Variants in BOP1 observed in about 807,000 individuals in gnomAD.
BOP1 encodes ribosome biogenesis protein BOP1.
A neutral mutation model predicts 82.9 loss-of-function variants in BOP1; 54 were observed. The ratio of observed to expected loss-of-function variants is 0.65; its 90% CI spans 0.52 to 0.82. The LOEUF is 0.82. BOP1 is among the 40% of genes least tolerant of loss of function. The pLI is 0.00. For synonymous variants in BOP1, 566 were observed against 451.1 expected (o/e 1.25, Z -3.23); for missense variants, 1,170 against 1,072.0 (o/e 1.09, Z -1.28).
intron 3 of BOP1, 118 bp downstream of exon 3, chr8:144,276,106 G>T: frequency 8.3e-7 from 1 of 1,208,414 alleles, no homozygotes; most frequent in Non-Finnish European, 1.2e-6. Context: ...CAACAGTGCG[G>T]CCCACCTGCG....
intron 3 of BOP1, among the ~76,000 whole-genome samples, chr8:144,270,478 G>A (rs919420838): frequency 3.9e-5 from 6 of 152,138 alleles, no homozygotes; most frequent in Admixed American, 2.0e-4. Context: ...GCCTGACTCC[G>A]ACCGCGGCTG....
At chr8:144,267,203 C>A in intron 3 of BOP1, 1 of 1,494,868 alleles carries the variant, frequency 6.7e-7, no homozygotes, top group Admixed American at 2.4e-5. Context: ...CGTGGGGCGC[C>A]GAGGGGGGCC....
At chr8:144,283,186 A>G (rs1457173374) in intron 2 of BOP1, among the ~76,000 whole-genome samples, 4 of 138,354 alleles carry the variant, frequency 2.9e-5, no homozygotes, top group African/African-American at 1.1e-4. Flanking sequence ...CGATAAGAGC[A>G]AAAAAACTCC....
rs1314430583 is a variant in BOP1 at position 144,263,885 on chromosome 8, G to A, written c.1167C>T (p.Ile389=). The A allele has an allele frequency of 2.4e-5, 38 of 1,611,738 alleles. No homozygotes were observed. The East Asian group carries it at 7.8e-4, about 33-fold the overall frequency. The change falls in exon 9 of 16, where the codon ATC becomes ATT. Residue 389 remains isoleucine (I), a synonymous_variant. Transcript: ENST00000569669. ...MRVNVDPEDL[I]PKLPRPRDLQ... ...GGTCCCTCGGCCGAGGCAGCTTGGG[G>A]ATGAGGTCCTCAGGGTCTACATTCA...
chr8:144,284,433 T>C (rs1045606204), intron 2 of BOP1, among the ~76,000 whole-genome samples: 2 of 152,198 alleles, frequency 1.3e-5, no homozygotes, highest in Admixed American at 1.3e-4. Context: ...GCCCACCCAC[T>C]GGAGCTGTTG....
rs1027519016 is a variant in BOP1 at position 144,264,431 on chromosome 8, G to A, written c.772C>T (p.Arg258Cys). The A allele has an allele frequency of 5.8e-5, 93 of 1,603,588 alleles. No individual in the cohort carries two copies. In the South Asian group the frequency reaches 6.2e-4, roughly 11 times the overall value. The change falls in exon 7 of 16, where the codon CGC becomes TGC. Residue 258 changes from arginine (R) to cysteine (C), a missense_variant. Coordinates refer to ENST00000569669, the MANE Select transcript of BOP1 (RefSeq NM_015201.5). ...PSLVEKEKVS[R>C]MVHAIKMGWI... ...CCCATCTTGATGGCGTGCACCATGCGAGAGACCTGCATAGACAGCCGGGTC... is the reference window on the plus strand; with the variant it reads ...CCCATCTTGATGGCGTGCACCATGCAAGAGACCTGCATAGACAGCCGGGTC...
intron 2 of BOP1, among the ~76,000 whole-genome samples, chr8:144,285,631 C>T (rs1431378795): frequency 1.3e-5 from 2 of 152,238 alleles, no homozygotes; most frequent in Non-Finnish European, 2.9e-5. Context: ...GGACACTTAG[C>T]AGCAGGAGAA....
intron 2 of BOP1, among the ~76,000 whole-genome samples, chr8:144,282,442 G>C (rs1845699910): frequency 6.6e-6 from 1 of 152,176 alleles, no homozygotes; most frequent in Non-Finnish European, 1.5e-5. Context: ...GCTGGAGATG[G>C]GGTGGGCCCT....
chr8:144,289,607 G>C (rs147447262), intron 1 of BOP1, among the ~76,000 whole-genome samples: 1 of 152,100 alleles, frequency 6.6e-6, no homozygotes, highest in African/African-American at 2.4e-5. Flanking sequence ...AGCTCTCATC[G>C]CAAAACTAAC....
At chr8:144,267,903 C>T (rs1197597772) in intron 3 of BOP1, among the ~76,000 whole-genome samples, 1 of 152,242 alleles carries the variant, frequency 6.6e-6, no homozygotes. Context: ...GGGGCCTGAA[C>T]ATCTGGGAAA....
rs781817530 is a variant in BOP1 at position 144,291,253 on chromosome 8, C to T, written c.99+19G>A. ...GCCCTCTAGGGACGCGCCCCGCCGCCCCGCATCGCCACAGTCACCTCCGGC... is the reference window on the plus strand; with the variant it reads ...GCCCTCTAGGGACGCGCCCCGCCGCTCCGCATCGCCACAGTCACCTCCGGC... On this transcript the variant is annotated intron_variant, in intron 1 of 15. Transcript: ENST00000569669. The surrounding 1 kb of genome is among the most constrained non-coding windows in gnomAD (Gnocchi z 4.1). 1.4e-4 allele frequency: 196 copies of T among 1,447,912 alleles called. No individual in the cohort carries two copies. Among genetic ancestry groups the T allele is most frequent in the Middle Eastern group, 2.3e-4 (1 of 4,408 alleles). 89.7% of individuals were successfully genotyped at this position (1,447,912 alleles called of 1,614,324 possible). A position where few individuals can be genotyped will look rare whatever the true frequency, so the allele number is the denominator to read the frequency against.
chr8:144,289,717 C>A (rs1182098891), intron 1 of BOP1, among the ~76,000 whole-genome samples: 4 of 152,190 alleles, frequency 2.6e-5, no homozygotes, highest in African/African-American at 9.7e-5. Flanking sequence ...GCCCTCTCCA[C>A]ACCTCACCCT....
At chr8:144,276,804 G>A (rs932910928) in intron 2 of BOP1, among the ~76,000 whole-genome samples, 149 of 152,274 alleles carry the variant, frequency 9.8e-4, no homozygotes, top group African/African-American at 3.5e-3. Flanking sequence ...GCTCTTGAAG[G>A]GGCGGGGGAC....
intron 2 of BOP1, among the ~76,000 whole-genome samples, chr8:144,287,348 T>C (rs1814913802): frequency 6.6e-6 from 1 of 152,198 alleles, no homozygotes; most frequent in Admixed American, 6.5e-5. Flanking sequence ...TGTAAATGTG[T>C]AAATCCTTAA....
intron 3 of BOP1, among the ~76,000 whole-genome samples, chr8:144,275,443 CAG>C (rs1845554488): frequency 4.0e-5 from 2 of 50,266 alleles, no homozygotes; most frequent in East Asian, 6.3e-4. Context: ...CGGCGGAACC[CAG>C]CCCGGTGCCA....
At chr8:144,286,517 A>G (rs1814875580) in intron 2 of BOP1, among the ~76,000 whole-genome samples, 1 of 132,236 alleles carries the variant, frequency 7.6e-6, no homozygotes, top group African/African-American at 2.9e-5. Flanking sequence ...ACACGCGGGC[A>G]GGTGCATGGG....
intron 2 of BOP1, among the ~76,000 whole-genome samples, chr8:144,285,807 T>C (rs1814851220): frequency 6.6e-6 from 1 of 152,210 alleles, no homozygotes. Flanking sequence ...GCAGAGCCCC[T>C]GGTGGCCCGG....
intron 3 of BOP1, chr8:144,265,523 A>AC (rs1230516801): frequency 2.8e-4 from 48 of 171,490 alleles, no homozygotes; most frequent in Admixed American, 2.1e-3. Flanking sequence ...TCTGTGGGGG[A>AC]CCCCCCACCG....
At chr8:144,270,834 T>C (rs1227430020) in intron 3 of BOP1, among the ~76,000 whole-genome samples, 4 of 151,964 alleles carry the variant, frequency 2.6e-5, no homozygotes, top group African/African-American at 9.7e-5. Flanking sequence ...CAGAGGCAGC[T>C]GGGACGGAAG....
Sources: allele counts gnomAD v4.1 joint callset (sites outside exome capture counted in the v4.1 genomes callset), GRCh38; gene constraint gnomAD v4.1.1; non-coding constraint Gnocchi (gnomAD v3.1); transcripts MANE v1.5; gene names NCBI Gene and HGNC (gene_info 2026-07-23, HGNC 2026-07-21).